The following PIGG variants were observed in gnomAD, a reference collection of about 807,000 sequenced individuals.
The protein encoded by PIGG is GPI ethanolamine phosphate transferase 2, catalytic subunit.
PIGG carries 70 observed loss-of-function variants against 83.2 expected under a neutral mutation model. The observed-to-expected ratio is 0.84, with a 90% CI of 0.69 to 1.03. The LOEUF is 1.03. Ranked by LOEUF, PIGG falls within the 50% of genes least tolerant of loss-of-function variation. The pLI, the probability that PIGG is intolerant of heterozygous loss-of-function variation, is 0.00. For missense variants in PIGG, 1,257 were observed against 1,233.6 expected (o/e 1.02, Z -0.28); for synonymous variants, 532 against 519.5 (o/e 1.02, Z -0.33).
rs782762358 is a variant in PIGG, at chr4:508,900, C to T, written c.831C>T (p.His277=). ...GDHGMSETGS[H]GASSTEEVNT... ...ATGGCATGTCTGAAACAGGAAGTCA[C>T]GGGGCCTCCTCCACCGAGGAGGTGA... Residue 277 remains histidine, a synonymous_variant, in exon 5 of 13, where the codon CAC becomes CAT. Transcript: ENST00000453061. The T allele has an allele frequency of 3.5e-5, 56 of 1,612,900 alleles. No individual in the cohort carries two copies. The highest frequency in any genetic ancestry group is 4.4e-5 in the South Asian group (4 of 91,070).
At chr4:538,098 C>G (rs1189840297) in intron 12 of PIGG, among the ~76,000 whole-genome samples, 3 of 152,060 alleles carry the variant, frequency 2.0e-5, no homozygotes, top group Non-Finnish European at 4.4e-5. Context: ...GGGCCCTTTA[C>G]AGGACATGCA....
chr4:529,952 G>A (rs1176519331), intron 10 of PIGG, among the ~76,000 whole-genome samples: 1 of 152,206 alleles, frequency 6.6e-6, no homozygotes, highest in Non-Finnish European at 1.5e-5. Context: ...ATGTGCAGGT[G>A]CTTATTTACC....
intron 5 of PIGG, among the ~76,000 whole-genome samples, chr4:510,454 G>GTCATGGCCA (rs1198089508): frequency 1.3e-5 from 2 of 152,204 alleles, no homozygotes; most frequent in African/African-American, 2.4e-5. Context: ...CAGCGTGGGC[G>GTCATGGCCA]TCATGGCCAT....
chr4:521,611 G>T lies in PIGG; in HGVS notation c.1333-49G>T, dbSNP rs1390100712. The T allele has an allele frequency of 1.9e-6, 3 of 1,580,152 alleles. No individual in the cohort carries two copies. The East Asian group carries it at 6.7e-5, about 36-fold the overall frequency. On this transcript the variant is annotated intron_variant, in intron 7 of 12. Coordinates refer to ENST00000453061, the MANE Select transcript of PIGG (RefSeq NM_001127178.3). ...GGGAGCTGGGCTTATTTTTAAGTGG[G>T]TTTCTCCAAGCCCAGCAGTCTGTGG...
intron 2 of PIGG, among the ~76,000 whole-genome samples, chr4:505,388 T>C (rs1719245767): frequency 1.3e-5 from 2 of 150,430 alleles, no homozygotes. Flanking sequence ...GCCCTAGCTT[T>C]ATGCTCACCT....
At position 539,593 on chromosome 4, in the gene PIGG, T is replaced by C. The variant is rs1327007508; in HGVS notation, c.*224T>C. The C allele has an allele frequency of 3.8e-6, 2 of 522,378 alleles. No individual in the cohort carries two copies. The highest frequency in any genetic ancestry group is 6.8e-6 in the Non-Finnish European group (2 of 293,600). The allele number at this position is 522,378 out of a possible 1,614,324, so 32.4% of individuals were successfully genotyped here. A position where few individuals can be genotyped will look rare whatever the true frequency, so the allele number is the denominator to read the frequency against. On this transcript the variant is annotated 3_prime_UTR_variant, in exon 13 of 13. Transcript: ENST00000453061. ...AGAAGCTTCTGAACTTTTAATTTCC[T>C]CTGAATAAGCTATGGTGTGACCCAA...
In PIGG at chr4:523,865, C is replaced by G. The variant is rs368750007; in HGVS notation, c.2021C>G (p.Thr674Arg). 1 of 1,576,868 alleles carries G rather than the reference C, an allele frequency of 6.3e-7. No individual in the cohort carries two copies. Among genetic ancestry groups the G allele is most frequent in the East Asian group, 2.3e-5 (1 of 42,666 alleles). The change falls in exon 9 of 13, where the codon ACA becomes AGA. Residue 674 changes from threonine (T) to arginine (R), a missense_variant. Physicochemically the swap from Thr to Arg is moderately conservative, Grantham distance 71 (BLOSUM62 -1). Transcript: ENST00000453061. ...CGGCTGCTGCGCTCCCTAAACCAGA[C>G]AGGTGTGCAGTGGGCTCACCGGCCT... ...CCRLLRSLNQ[T>R]GVQWAHRPDL... is the part of the protein sequence containing the mutation.
chr4:521,838 C>T lies in PIGG; in HGVS notation c.1511C>T (p.Ser504Leu), dbSNP rs770538814. Reference sequence around the variant, plus strand: ...AGTTCGTGCTACTTCTGTGGCCTCTCGTGGCTGGCGGCAGGTGGGGTGATG... The same window carrying T: ...AGTTCGTGCTACTTCTGTGGCCTCTTGTGGCTGGCGGCAGGTGGGGTGATG... Reference protein sequence around the residue: ...AESSCYFCGLSWLAAGGVMVL... With the variant: ...AESSCYFCGLLWLAAGGVMVL... Residue 504 changes from serine to leucine, a missense_variant, in exon 8 of 13, where the codon TCG (serine) becomes TTG (leucine). Coordinates refer to ENST00000453061, the MANE Select transcript of PIGG (RefSeq NM_001127178.3). 17 of 1,614,050 alleles carry T rather than the reference C, an allele frequency of 1.1e-5. No homozygotes were observed. The highest frequency in any genetic ancestry group is 2.7e-5 in the African/African-American group (2 of 74,918).
intron 9 of PIGG, chr4:525,245 T>C (rs1051175095): frequency 2.5e-5 from 25 of 985,106 alleles, no homozygotes; most frequent in Non-Finnish European, 3.0e-5. Flanking sequence ...CTAGAAAGTA[T>C]AGCAAATCAT....
intron 2 of PIGG, among the ~76,000 whole-genome samples, chr4:504,755 C>A (rs1719007960): frequency 6.6e-6 from 1 of 152,170 alleles, no homozygotes; most frequent in Non-Finnish European, 1.5e-5. Context: ...TCACAGAGAT[C>A]TGTTACCCAT....
rs199531353 is a variant in PIGG, at chr4:500,451, T to C, written c.210T>C (p.Ile70=). The change falls in exon 2 of 13, where the codon ATT becomes ATC. Residue 70 remains isoleucine, a synonymous_variant. Transcript: ENST00000453061. ...LPPPLFSKVV[I]VLIDALRDDF... ...CACCTCTCTTCAGTAAAGTTGTTATTGTTCTGATAGATGCCTTGAGAGATG... is the reference window on the plus strand; with the variant it reads ...CACCTCTCTTCAGTAAAGTTGTTATCGTTCTGATAGATGCCTTGAGAGATG... 1 of 1,614,090 alleles carries C rather than the reference T, an allele frequency of 6.2e-7. No homozygotes were observed. The highest frequency in any genetic ancestry group is 2.2e-5 in the East Asian group (1 of 44,882).
chr4:503,664 G>A (rs1253523529), intron 2 of PIGG, among the ~76,000 whole-genome samples: 2 of 152,036 alleles, frequency 1.3e-5, no homozygotes, highest in East Asian at 1.9e-4. Flanking sequence ...GGTTAAATAC[G>A]TTATTGTACA....
At chr4:510,991 T>C (rs1429425139) in intron 5 of PIGG, among the ~76,000 whole-genome samples, 1 of 152,100 alleles carries the variant, frequency 6.6e-6, no homozygotes, top group Non-Finnish European at 1.5e-5. Flanking sequence ...AGTTATAGCA[T>C]GTATCAAGAC....
intron 5 of PIGG, among the ~76,000 whole-genome samples, chr4:511,468 T>G (rs1252298447): frequency 6.6e-6 from 1 of 152,204 alleles, no homozygotes; most frequent in Non-Finnish European, 1.5e-5. Context: ...TGTAGCTTTT[T>G]GTGTGGATGT....
intron 9 of PIGG, among the ~76,000 whole-genome samples, chr4:526,575 C>G (rs1282356953): frequency 6.6e-6 from 1 of 152,140 alleles, no homozygotes; most frequent in Non-Finnish European, 1.5e-5. Flanking sequence ...GGGAGGTGAG[C>G]TGGTAGGTGC....
chr4:523,605 A>AAC lies in PIGG; in HGVS notation c.1761_1762insAC (p.Ala588ThrfsTer3). 6.2e-7 allele frequency: 1 copy of AAC among 1,614,164 alleles called. No individual in the cohort carries two copies. Among genetic ancestry groups the AAC allele is most frequent in the Non-Finnish European group, 8.5e-7 (1 of 1,180,022 alleles). ...ACTTCCTTGTGAACACCCTGTGTCT[A>AAC]GCTCTGAGCCAAGAAACCTACAGAA... On this transcript the variant is annotated frameshift_variant, in exon 9 of 13. Coordinates refer to ENST00000453061, the MANE Select transcript of PIGG (RefSeq NM_001127178.3). LOFTEE classifies it high-confidence loss of function.
intron 4 of PIGG, among the ~76,000 whole-genome samples, chr4:508,556 G>C (rs1720714272): frequency 6.6e-6 from 1 of 152,242 alleles, no homozygotes; most frequent in Non-Finnish European, 1.5e-5. Flanking sequence ...CAGTGGCAAA[G>C]ACAGAAACCA....
intron 10 of PIGG, chr4:527,979 G>A (rs887066672): frequency 3.0e-6 from 3 of 985,430 alleles, no homozygotes; most frequent in South Asian, 9.4e-5. Context: ...CCACTGAAGT[G>A]TCCTTCACAA....
At position 528,225 on chromosome 4, in the gene PIGG, C is replaced by T. The variant is rs1291110437; in HGVS notation, c.2261+995C>T. 2.4e-5 allele frequency: 24 copies of T among 984,676 alleles called. No homozygotes were observed. Among genetic ancestry groups the T allele is most frequent in the Non-Finnish European group, 2.9e-5 (24 of 829,500 alleles). The allele number at this position is 984,676 out of a possible 1,614,324, so 61.0% of individuals were successfully genotyped here. A position where few individuals can be genotyped will look rare whatever the true frequency, so the allele number is the denominator to read the frequency against. On this transcript the variant is annotated intron_variant, in intron 10 of 12. Transcript: ENST00000453061. This position sits in a 1 kb window ranked among gnomAD's most constrained non-coding sequence, Gnocchi z 4.8. ...ATGACCCCAGCTTACTAATTGTGTA[C>T]CTGTTTTTTTTTTCATACTTATATG... is the stretch of plus-strand genomic sequence containing the variant.
Sources: gnomAD v4.1 joint callset for allele counts (sites outside exome capture counted in the v4.1 genomes callset) on GRCh38, gnomAD v4.1.1 for gene constraint, Gnocchi (gnomAD v3.1) non-coding constraint, MANE v1.5 for transcripts, NCBI Gene and HGNC (gene_info 2026-07-23, HGNC 2026-07-21) for gene names.